TDRD3: variants seen among roughly 807,000 people sequenced by gnomAD.
TDRD3 encodes tudor domain-containing protein 3.
TDRD3 carries 45 observed loss-of-function variants against 86.7 expected under a neutral mutation model. The ratio of observed to expected loss-of-function variants is 0.52; its 90% CI spans 0.41 to 0.67. The LOEUF is 0.67. Ranked by LOEUF, TDRD3 falls within the 30% of genes least tolerant of loss-of-function variation. TDRD3 has a pLI of 0.00. For missense variants in TDRD3, 814 were observed against 889.0 expected (o/e 0.92, Z 1.07); for synonymous variants, 298 against 301.7 (o/e 0.99, Z 0.13).
intron 13 of TDRD3, among the ~76,000 whole-genome samples, chr13:60,570,343 A>T (rs930717973): frequency 4.6e-5 from 7 of 152,372 alleles, no homozygotes; most frequent in Admixed American, 3.3e-4. Context: ...AGAAATGCAA[A>T]TCAAATACAA....
intron 3 of TDRD3, among the ~76,000 whole-genome samples, chr13:60,450,963 A>G (rs966210055): frequency 6.6e-6 from 1 of 152,052 alleles, no homozygotes; most frequent in South Asian, 2.1e-4. Flanking sequence ...ACACACATAC[A>G]CACACAGATC....
chr13:60,492,375 A>G (rs1344663728), intron 7 of TDRD3, among the ~76,000 whole-genome samples: 1 of 152,218 alleles, frequency 6.6e-6, no homozygotes, highest in African/African-American at 2.4e-5. Context: ...GCCATGTGCC[A>G]GCTACTGAGA....
intron 1 of TDRD3, among the ~76,000 whole-genome samples, chr13:60,425,433 T>A (rs1191095417): frequency 1.3e-5 from 2 of 152,144 alleles, no homozygotes; most frequent in Non-Finnish European, 2.9e-5. Context: ...GTACAGCCCT[T>A]GTGGAAAACA....
intron 3 of TDRD3, among the ~76,000 whole-genome samples, chr13:60,447,737 T>TA (rs1215985944): frequency 6.6e-6 from 1 of 152,158 alleles, no homozygotes; most frequent in Non-Finnish European, 1.5e-5. Flanking sequence ...CTGTTTCTAC[T>TA]AAGTTCCAAG....
intron 1 of TDRD3, among the ~76,000 whole-genome samples, chr13:60,412,775 G>C (rs1463977851): frequency 1.3e-5 from 2 of 152,056 alleles, no homozygotes; most frequent in Non-Finnish European, 2.9e-5. Context: ...TGGACTGTTA[G>C]TGGTCTTTTA....
chr13:60,481,733 G>C (rs1018022090), intron 5 of TDRD3, among the ~76,000 whole-genome samples: 1 of 151,922 alleles, frequency 6.6e-6, no homozygotes, highest in African/African-American at 2.4e-5. Context: ...AGTTTCTCTT[G>C]ACTAAATTTT....
At chr13:60,478,868 A>G (rs996162709) in intron 5 of TDRD3, among the ~76,000 whole-genome samples, 7 of 146,564 alleles carry the variant, frequency 4.8e-5, no homozygotes, top group East Asian at 2.0e-4. Context: ...CTGTGGTGCA[A>G]TCTTGGCTCA....
intron 10 of TDRD3, among the ~76,000 whole-genome samples, chr13:60,514,547 A>G (rs115373191): frequency 2.2e-3 from 332 of 152,278 alleles, no homozygotes; most frequent in African/African-American, 7.5e-3. Context: ...AATGGGCAGA[A>G]GGCTTCTTAG....
intron 1 of TDRD3, among the ~76,000 whole-genome samples, chr13:60,412,117 A>T (rs1274197641): frequency 6.6e-6 from 1 of 152,198 alleles, no homozygotes; most frequent in Non-Finnish European, 1.5e-5. Flanking sequence ...AATCTTATAA[A>T]CTGTAAAACC....
At chr13:60,438,866 G>T (rs1296984674) in intron 1 of TDRD3, among the ~76,000 whole-genome samples, 1 of 150,642 alleles carries the variant, frequency 6.6e-6, no homozygotes, top group Non-Finnish European at 1.5e-5. Context: ...TTTGGTTAAA[G>T]GGGTTGATAC....
chr13:60,421,006 ACTGT>A (rs902732286), intron 1 of TDRD3, among the ~76,000 whole-genome samples: 8 of 152,034 alleles, frequency 5.3e-5, no homozygotes, highest in South Asian at 2.1e-4. Context: ...ATTCTATTTG[ACTGT>A]CCTCATGCCA....
intron 13 of TDRD3, among the ~76,000 whole-genome samples, chr13:60,568,970 T>C (rs944630846): frequency 6.6e-6 from 1 of 150,822 alleles, no homozygotes; most frequent in African/African-American, 2.5e-5. Context: ...TTTTCCCCCC[T>C]TTTCTTCTTC....
chr13:60,518,088 C>T (rs752886159), intron 10 of TDRD3, among the ~76,000 whole-genome samples: 2 of 152,116 alleles, frequency 1.3e-5, no homozygotes, highest in Non-Finnish European at 2.9e-5. Context: ...GTAACAAGGC[C>T]AGGCAGGTAG....
At chr13:60,557,336 G>T (rs1050632890) in intron 12 of TDRD3, among the ~76,000 whole-genome samples, 7 of 152,184 alleles carry the variant, frequency 4.6e-5, no homozygotes, top group Non-Finnish European at 8.8e-5. Flanking sequence ...TTTGCAAGAG[G>T]CAGAGCCACC....
intron 12 of TDRD3, among the ~76,000 whole-genome samples, chr13:60,557,399 GTGACTGCTGGAGTACC>G (rs1281406201): frequency 1.3e-5 from 2 of 152,162 alleles, no homozygotes. Flanking sequence ...GATCAGAGCA[GTGACTGCTGGAGTACC>G]TCACATTTTT....
At chr13:60,495,345 G>C (rs1956690184) in intron 8 of TDRD3, among the ~76,000 whole-genome samples, 1 of 152,162 alleles carries the variant, frequency 6.6e-6, no homozygotes, top group Non-Finnish European at 1.5e-5. Context: ...AAATAAAGCT[G>C]ATTTATCAAG....
Position 60,572,883 on chromosome 13 carries a change from T to TAC in TDRD3, c.*10-731_*10-730dup, listed in dbSNP as rs1410151287. 2.6e-5 allele frequency among the ~76,000 whole-genome samples: 4 copies of TAC among 152,214 alleles called. No individual in the cohort carries two copies. The South Asian group carries it at 6.2e-4, about 24-fold the overall frequency. ...AAATGATCACTGTAAAGATAACTGT[T>TAC]ACAGAACTCCATGATGCCAGCAGAA... On this transcript the variant is annotated intron_variant, in intron 13 of 13. Transcript: ENST00000377881.
chr13:60,483,123 C>T (rs1191838277), intron 5 of TDRD3, among the ~76,000 whole-genome samples: 4 of 151,962 alleles, frequency 2.6e-5, no homozygotes, highest in African/African-American at 7.2e-5. Context: ...ACATTGTTAT[C>T]TCTCTAGCTT....
intron 7 of TDRD3, among the ~76,000 whole-genome samples, chr13:60,489,881 C>T (rs1956542800): frequency 1.3e-5 from 2 of 151,812 alleles, no homozygotes; most frequent in Non-Finnish European, 1.5e-5. Flanking sequence ...GAAAGATGTT[C>T]TTTTGATTTA....
Sources: allele counts gnomAD v4.1 joint callset (sites outside exome capture counted in the v4.1 genomes callset), GRCh38; gene constraint gnomAD v4.1.1; transcripts MANE v1.5; gene names NCBI Gene and HGNC (gene_info 2026-07-23, HGNC 2026-07-21).